The following TNRC6A variants were observed in gnomAD, a reference collection of about 807,000 sequenced individuals.
TNRC6A encodes trinucleotide repeat-containing gene 6A protein.
In TNRC6A, 44 loss-of-function variants were observed where a neutral mutation model predicts 221.2. That is an observed-to-expected ratio of 0.20 (90% confidence interval 0.16 to 0.26). TNRC6A has a LOEUF of 0.26. TNRC6A is among the 10% of genes least tolerant of loss of function. The pLI, the probability that TNRC6A is intolerant of heterozygous loss-of-function variation, is 1.00. For missense variants in TNRC6A, 2,199 were observed against 2,404.4 expected (o/e 0.91, Z 1.79); for synonymous variants, 847 against 838.5 (o/e 1.01, Z -0.18).
chr16:24,804,441 A>G (rs1171490525), intron 12 of TNRC6A, 122 bp downstream of exon 12: 6 of 1,240,094 alleles, frequency 4.8e-6, no homozygotes, highest in Non-Finnish European at 6.6e-6. Context: ...ACCAAATCTT[A>G]TTACTGGATT....
chr16:24,776,814 C>G, intron 4 of TNRC6A, 119 bp from the exon 5 acceptor site: 1 of 1,503,162 alleles, frequency 6.7e-7, no homozygotes, highest in South Asian at 1.4e-5. Flanking sequence ...TCCCTGCTCA[C>G]AGAAAGCTTC....
upstream of TNRC6A, among the ~76,000 whole-genome samples, chr16:24,726,316 T>G (rs564413621): frequency 1.7e-3 from 240 of 142,418 alleles, 1 homozygote; most frequent in African/African-American, 5.9e-3. Flanking sequence ...TGGGGAGATC[T>G]CCAACATTTA....
upstream of TNRC6A, among the ~76,000 whole-genome samples, chr16:24,728,382 G>C (rs2151125904): frequency 6.6e-6 from 1 of 152,222 alleles, no homozygotes; most frequent in African/African-American, 2.4e-5. Flanking sequence ...GGGAGGCGGA[G>C]GTTGCGGTGA....
chr16:24,716,093 C>A (rs2056308254), intron 2 of TNRC6A, among the ~76,000 whole-genome samples: 1 of 152,082 alleles, frequency 6.6e-6, no homozygotes, highest in Non-Finnish European at 1.5e-5. Flanking sequence ...TACATTGCTT[C>A]AACTCAAGAA....
At chr16:24,686,341 C>G (rs1166363784) in intron 2 of TNRC6A, among the ~76,000 whole-genome samples, 2 of 152,118 alleles carry the variant, frequency 1.3e-5, no homozygotes, top group African/African-American at 4.8e-5. Context: ...TTCACCAAGT[C>G]CAGACATCCA....
chr16:24,666,670 T>A (rs75258083), intron 2 of TNRC6A, among the ~76,000 whole-genome samples: 4,710 of 72,370 alleles, frequency 0.065, 147 homozygotes, highest in Non-Finnish European at 0.091. Context: ...AAAAAAAAAA[T>A]ATATATATAT....
chr16:24,709,094 TA>T, intron 2 of TNRC6A, among the ~76,000 whole-genome samples: 1 of 152,122 alleles, frequency 6.6e-6, no homozygotes, highest in South Asian at 2.1e-4. Flanking sequence ...CCGTCTCTAC[TA>T]AAAATACAAC....
chr16:24,770,553 G>A (rs1555501906), intron 4 of TNRC6A, among the ~76,000 whole-genome samples: 1 of 152,172 alleles, frequency 6.6e-6, no homozygotes, highest in Non-Finnish European at 1.5e-5. Context: ...GGAGTAGGGA[G>A]AAATTGAGGA....
intron 6 of TNRC6A, 115 bp downstream of exon 6, chr16:24,791,932 C>A: frequency 1.7e-6 from 2 of 1,210,364 alleles, no homozygotes; most frequent in Non-Finnish European, 2.2e-6. Context: ...AATCCAGAAG[C>A]AGCTTGAAAA....
intron 17 of TNRC6A, among the ~76,000 whole-genome samples, chr16:24,808,973 C>G (rs993752752): frequency 6.6e-6 from 1 of 152,038 alleles, no homozygotes. Flanking sequence ...TATATCTGTC[C>G]CCAGCCTAGG....
intron 2 of TNRC6A, among the ~76,000 whole-genome samples, chr16:24,688,114 T>A (rs1356754054): frequency 1.4e-5 from 2 of 147,980 alleles, no homozygotes; most frequent in Admixed American, 1.4e-4. Flanking sequence ...TTTTTTTTTG[T>A]ATTTTTAGTA....
chr16:24,623,757 G>T (rs1026175115), intron 1 of TNRC6A, among the ~76,000 whole-genome samples: 1 of 151,548 alleles, frequency 6.6e-6, no homozygotes, highest in South Asian at 2.1e-4. Context: ...AATAAAATCA[G>T]CAGAGCATGG....
At chr16:24,723,851 A>G (rs1292350068) in intron 2 of TNRC6A, among the ~76,000 whole-genome samples, 1 of 152,140 alleles carries the variant, frequency 6.6e-6, no homozygotes, top group Non-Finnish European at 1.5e-5. Flanking sequence ...CAGAAAAATT[A>G]TGTCTTCAGC....
At chr16:24,754,890 T>G (rs2057217104) in intron 3 of TNRC6A, among the ~76,000 whole-genome samples, 1 of 152,182 alleles carries the variant, frequency 6.6e-6, no homozygotes, top group South Asian at 2.1e-4. Context: ...TTTTTATAGG[T>G]GTTATTGACT....
rs766350880 is a variant in TNRC6A at position 24,809,526 on chromosome 16, A to T, written c.4672+45A>T. On this transcript the variant is annotated intron_variant, in intron 18 of 24. Coordinates refer to ENST00000395799, the MANE Select transcript of TNRC6A (RefSeq NM_014494.4). ...CCAAAAAAAAAAAAAAAACACACAC[A>T]CCTGCAGAATACTAGATTTAGGCCT... 37 of 1,456,778 alleles carry T rather than the reference A, an allele frequency of 2.5e-5. No individual in the cohort carries two copies. In the Admixed American group the frequency reaches 3.8e-4, roughly 15 times the overall value. The allele number at this position is 1,456,778 out of a possible 1,614,324, so 90.2% of individuals were successfully genotyped here.
chr16:24,808,611 G>A (rs1009190264), intron 17 of TNRC6A, among the ~76,000 whole-genome samples: 5 of 152,194 alleles, frequency 3.3e-5, no homozygotes, highest in African/African-American at 7.2e-5. Context: ...GCAAAAATAC[G>A]CATGGTATTA....
intron 22 of TNRC6A, chr16:24,821,815 C>T: frequency 2.0e-6 from 1 of 503,460 alleles, no homozygotes; most frequent in East Asian, 3.2e-5. Flanking sequence ...AAAGATGCAG[C>T]CTTTTGTGGC....
chr16:24,611,594 G>C (rs988625396), intron 1 of TNRC6A, among the ~76,000 whole-genome samples: 1 of 152,230 alleles, frequency 6.6e-6, no homozygotes, highest in Non-Finnish European at 1.5e-5. Context: ...GGCATCGAGA[G>C]GCATCTCGTA....
At chr16:24,666,388 G>A (rs1380509688) in intron 2 of TNRC6A, among the ~76,000 whole-genome samples, 2 of 150,260 alleles carry the variant, frequency 1.3e-5, no homozygotes, top group African/African-American at 4.9e-5. Context: ...CAGGAGAATG[G>A]CATGAACCCG....
Sources: allele counts gnomAD v4.1 joint callset (sites outside exome capture counted in the v4.1 genomes callset), GRCh38; gene constraint gnomAD v4.1.1; transcripts MANE v1.5; gene names NCBI Gene and HGNC (gene_info 2026-07-23, HGNC 2026-07-21).